The following PREPL variants were observed in gnomAD, a reference collection of about 807,000 sequenced individuals.
PREPL encodes the protein prolyl endopeptidase-like.
Under a neutral mutation model 70.6 loss-of-function variants are expected in PREPL, and 77 were observed. The observed-to-expected ratio is 1.09, with a 90% CI of 0.91 to 1.32. The LOEUF (loss-of-function observed/expected upper bound fraction) is 1.32. Ranked by LOEUF, PREPL falls within the 40% of genes most tolerant of loss-of-function variation. The pLI is 0.00. For missense variants in PREPL, 1,002 were observed against 778.2 expected, an observed-to-expected ratio of 1.29 and a Z score of -3.42; for synonymous variants, 315 against 264.8, an observed-to-expected ratio of 1.19 and a Z score of -1.84.
At chr2:44,350,691 C>T (rs1676321826) in intron 1 of PREPL, among the ~76,000 whole-genome samples, 1 of 152,134 alleles carries the variant, frequency 6.6e-6, no homozygotes. Context: ...CTTCTCCTTA[C>T]CCCTTCTCTA....
chr2:44,320,104 T>G lies in PREPL; in HGVS notation c.*1252A>C. On this transcript the variant is annotated 3_prime_UTR_variant, in exon 14 of 14. Coordinates refer to ENST00000409411, the MANE Select transcript of PREPL (RefSeq NM_001171613.2). ...TTATAAGGGGCAAAATTGGAGCAAG[T>G]GTTTTGGGTAAATAACTCCTTACAA... 9.1e-7 allele frequency: 1 copy of G among 1,094,172 alleles called. No individual in the cohort carries two copies. The highest frequency in any genetic ancestry group is 1.3e-6 in the Non-Finnish European group (1 of 760,302). 67.8% of individuals were successfully genotyped at this position (1,094,172 alleles called of 1,614,324 possible).
At chr2:44,347,023 C>T (rs1675901100) in intron 1 of PREPL, among the ~76,000 whole-genome samples, 1 of 152,120 alleles carries the variant, frequency 6.6e-6, no homozygotes, top group South Asian at 2.1e-4. Context: ...CAAAACAGAA[C>T]TGTTTATCAC....
At chr2:44,328,891 C>G in intron 9 of PREPL, 46 bp downstream of exon 9, 1 of 1,509,842 alleles carries the variant, frequency 6.6e-7, no homozygotes, top group Non-Finnish European at 8.9e-7. Context: ...TGACATCTCT[C>G]ACAATGGTCT....
intron 13 of PREPL, 41 bp from the exon 14 acceptor site, chr2:44,321,486 G>A: frequency 6.3e-7 from 1 of 1,590,758 alleles, no homozygotes; most frequent in South Asian, 1.1e-5. Flanking sequence ...GAAGGCCTTT[G>A]TAGTAAAATG....
intron 9 of PREPL, 50 bp from the exon 10 acceptor site, chr2:44,326,978 G>T: frequency 6.7e-7 from 1 of 1,494,966 alleles, no homozygotes; most frequent in Non-Finnish European, 9.2e-7. Flanking sequence ...AGTTAATACT[G>T]TAGGCTGGGG....
At chr2:44,348,321 G>T (rs1676041621) in intron 1 of PREPL, among the ~76,000 whole-genome samples, 1 of 152,172 alleles carries the variant, frequency 6.6e-6, no homozygotes, top group South Asian at 2.1e-4. Flanking sequence ...CATGATATCT[G>T]TATCAATAAT....
chr2:44,327,580 G>T (rs545608419), intron 9 of PREPL, among the ~76,000 whole-genome samples: 1 of 152,290 alleles, frequency 6.6e-6, no homozygotes, highest in South Asian at 2.1e-4. Flanking sequence ...GACTTTGGGG[G>T]CTGGACACAG....
chr2:44,329,173 C>G (rs1328710178), intron 8 of PREPL, 61 bp from the exon 9 acceptor site: 1 of 1,390,152 alleles, frequency 7.2e-7, no homozygotes, highest in African/African-American at 1.4e-5. Flanking sequence ...TGTTTTATCC[C>G]AATTTAAAAT....
Position 44,329,106 on chromosome 2 carries a change from T to A in PREPL, c.1093A>T (p.Lys365Ter). Residue 365 changes from lysine (K) to a stop codon, truncating the protein, a stop_gained, in exon 9 of 14, where the codon AAA becomes TAA. Transcript: ENST00000409411. LOFTEE classifies it high-confidence loss of function. ...LRLEAKSKDG[K>*]LVPMTVFHKT... ...TGGAAAACAGTCATTGGCACTAATT[T>A]TCCATCCTAGAAATGAAGAATTACT... The A allele has an allele frequency of 6.3e-7, 1 of 1,594,494 alleles. No homozygotes were observed. The highest frequency in any genetic ancestry group is 8.6e-7 in the Non-Finnish European group (1 of 1,164,276).
chr2:44,331,343 T>C (rs1674062471), intron 8 of PREPL, among the ~76,000 whole-genome samples: 1 of 152,018 alleles, frequency 6.6e-6, no homozygotes. Flanking sequence ...GCCTCCTGAG[T>C]AGCTGACATT....
Position 44,332,621 on chromosome 2 carries a change from T to C in PREPL, c.924A>G (p.Thr308=), listed in dbSNP as rs1248801486. The C allele has an allele frequency of 6.2e-7, 1 of 1,614,008 alleles. No homozygotes were observed. Among genetic ancestry groups the C allele is most frequent in the Non-Finnish European group, 8.5e-7 (1 of 1,179,876 alleles). The change falls in exon 8 of 14, where the codon ACA becomes ACG. Residue 308 remains threonine, a synonymous_variant. Transcript: ENST00000409411. ...PPWACGFIMD[T]NSDPKNCPFQ... is the part of the protein sequence containing the mutation. ...AGGGGCAGTTCTTTGGGTCAGAATTTGTATCCATTATGAATCCACAGGCCC... is the reference window on the plus strand; with the variant it reads ...AGGGGCAGTTCTTTGGGTCAGAATTCGTATCCATTATGAATCCACAGGCCC...
intron 1 of PREPL, among the ~76,000 whole-genome samples, chr2:44,349,156 A>G (rs757405492): frequency 2.6e-5 from 4 of 152,242 alleles, no homozygotes; most frequent in Non-Finnish European, 5.9e-5. Context: ...GATATGTGTT[A>G]ACTTTATCAT....
At chr2:44,344,747 T>C (rs1482605405) in intron 2 of PREPL, among the ~76,000 whole-genome samples, 161 bp from the exon 3 acceptor site, 1 of 152,228 alleles carries the variant, frequency 6.6e-6, no homozygotes, top group Admixed American at 6.5e-5. Context: ...ATTTTTACAA[T>C]GTAGTTGATA....
In PREPL at chr2:44,318,151, C is replaced by T. The variant is rs547206473; in HGVS notation, c.*3205G>A. The stretch of plus-strand genomic sequence containing the variant: ...CGTCACCCATGCTCGAGTGCAGTGG[C>T]GTGATCTCGGCACACTGCAGCCTCT... On this transcript the variant is annotated 3_prime_UTR_variant, in exon 14 of 14. Coordinates refer to ENST00000409411, the MANE Select transcript of PREPL (RefSeq NM_001171613.2). 39 of 437,250 alleles carry T rather than the reference C, an allele frequency of 8.9e-5. No homozygotes were observed. In the Middle Eastern group the frequency reaches 6.5e-3, roughly 73 times the overall value. 27.1% of individuals were successfully genotyped at this position (437,250 alleles called of 1,614,324 possible). A position where few individuals can be genotyped will look rare whatever the true frequency, so the allele number is the denominator to read the frequency against.
Position 44,323,307 on chromosome 2 carries a change from C to G in PREPL, c.1584G>C (p.Lys528Asn). 1 of 1,607,696 alleles carries G rather than the reference C, an allele frequency of 6.2e-7. No individual in the cohort carries two copies. The highest frequency in any genetic ancestry group is 8.5e-7 in the Non-Finnish European group (1 of 1,175,228). Residue 528 changes from lysine to asparagine, a missense_variant, in exon 11 of 14, where the codon AAG becomes AAC. By Grantham distance (94) the Lys-to-Asn change is moderately conservative. Coordinates refer to ENST00000409411, the MANE Select transcript of PREPL (RefSeq NM_001171613.2). Reference sequence around the variant, plus strand: ...AGGGACAGTAACGTTTTATGTAGTTCTTGTGTTTTTCATCAGATGAAGGAT... The same window carrying G: ...AGGGACAGTAACGTTTTATGTAGTTGTTGTGTTTTTCATCAGATGAAGGAT... The part of the protein sequence containing the change: ...WGNPSSDEKH[K>N]NYIKRYCPYQ...
At chr2:44,342,656 G>A (rs767649996) in intron 4 of PREPL, 104 bp from the exon 5 acceptor site, 26 of 895,402 alleles carry the variant, frequency 2.9e-5, no homozygotes, top group Non-Finnish European at 3.9e-5. Flanking sequence ...GAGAACATGT[G>A]CAAGTTTATC....
intron 1 of PREPL, among the ~76,000 whole-genome samples, chr2:44,358,841 C>T (rs1032121315): frequency 6.6e-6 from 1 of 152,068 alleles, no homozygotes; most frequent in African/African-American, 2.4e-5. Context: ...AAATAAAATA[C>T]AATTCATGGC....
At position 44,320,257 on chromosome 2, in the gene PREPL, A is replaced by T. The variant is rs1310786029; in HGVS notation, c.*1099T>A. 1 of 1,614,148 alleles carries T rather than the reference A, an allele frequency of 6.2e-7. No homozygotes were observed. On this transcript the variant is annotated 3_prime_UTR_variant, in exon 14 of 14. Coordinates refer to ENST00000409411, the MANE Select transcript of PREPL (RefSeq NM_001171613.2). Reference sequence around the variant, plus strand: ...TTATATCAAGATTTAAGTCTACTTCATGCCAATGAGCTACTCCTCAACAGG... The same window carrying T: ...TTATATCAAGATTTAAGTCTACTTCTTGCCAATGAGCTACTCCTCAACAGG...
chr2:44,332,009 C>G (rs919109526), intron 8 of PREPL, among the ~76,000 whole-genome samples: 1 of 146,370 alleles, frequency 6.8e-6, no homozygotes, highest in Non-Finnish European at 1.5e-5. Flanking sequence ...TGCAGTGGCA[C>G]GATCTAGGCT....
Sources: gnomAD v4.1 joint callset for allele counts (sites outside exome capture counted in the v4.1 genomes callset) on GRCh38, gnomAD v4.1.1 for gene constraint, MANE v1.5 for transcripts, NCBI Gene and HGNC (gene_info 2026-07-23, HGNC 2026-07-21) for gene names.